The following SMCHD1 variants were observed in gnomAD, a reference collection of about 807,000 sequenced individuals.
SMCHD1 encodes structural maintenance of chromosomes flexible hinge domain-containing protein 1.
SMCHD1 carries 78 observed loss-of-function variants against 254.7 expected under a neutral mutation model. The ratio of observed to expected loss-of-function variants is 0.31; its 90% CI spans 0.26 to 0.37. The LOEUF (loss-of-function observed/expected upper bound fraction) is 0.37, where lower values mean the gene tolerates loss of function less well. Ranked by LOEUF, SMCHD1 falls within the 10% of genes least tolerant of loss-of-function variation. SMCHD1 has a pLI of 1.00. For synonymous variants in SMCHD1, 766 were observed against 794.9 expected (o/e 0.96, Z 0.61); for missense variants, 1,840 against 2,408.1 (o/e 0.76, Z 4.94).
intron 26 of SMCHD1, 53 bp downstream of exon 26, chr18:2,738,598 A>G: frequency 1.3e-5 from 19 of 1,432,812 alleles, no homozygotes; most frequent in South Asian, 5.6e-5. Flanking sequence ...ACTGTCCTCC[A>G]TTGCACATAT....
chr18:2,729,062 T>C (rs2143459014), intron 23 of SMCHD1, among the ~76,000 whole-genome samples: 1 of 152,014 alleles, frequency 6.6e-6, no homozygotes, highest in Non-Finnish European at 1.5e-5. Context: ...AGGAAGTTAG[T>C]TCTTTCCTTC....
intron 1 of SMCHD1, among the ~76,000 whole-genome samples, chr18:2,659,571 T>C (rs2073181177): frequency 6.6e-6 from 1 of 152,188 alleles, no homozygotes; most frequent in African/African-American, 2.4e-5. Flanking sequence ...AGAAGATGAC[T>C]CATTTGGTTA....
intron 19 of SMCHD1, among the ~76,000 whole-genome samples, chr18:2,721,958 A>G (rs2074935965): frequency 6.6e-6 from 1 of 152,204 alleles, no homozygotes; most frequent in South Asian, 2.1e-4. Context: ...TGCATTTCTA[A>G]TAAGTTCTCA....
At chr18:2,686,161 ATC>A (rs2074047569) in intron 5 of SMCHD1, among the ~76,000 whole-genome samples, 3 of 152,164 alleles carry the variant, frequency 2.0e-5, no homozygotes, top group Admixed American at 1.3e-4. Context: ...TTTGCTGAGC[ATC>A]TGTTTGAGCT....
chr18:2,677,131 T>C (rs1016500890), intron 5 of SMCHD1, among the ~76,000 whole-genome samples: 1 of 140,806 alleles, frequency 7.1e-6, no homozygotes, highest in African/African-American at 2.5e-5. Context: ...TTTTTTCCTT[T>C]AGTATTTTAT....
intron 44 of SMCHD1, among the ~76,000 whole-genome samples, chr18:2,780,614 T>TAA (rs1358032075): frequency 6.6e-6 from 1 of 152,238 alleles, no homozygotes; most frequent in African/African-American, 2.4e-5. Context: ...TTTGGATACT[T>TAA]ACTATGTATG....
At chr18:2,661,219 C>T (rs1373938664) in intron 1 of SMCHD1, among the ~76,000 whole-genome samples, 1 of 151,922 alleles carries the variant, frequency 6.6e-6, no homozygotes. Flanking sequence ...AGGACAAATA[C>T]CTAATGCATG....
intron 14 of SMCHD1, 66 bp from the exon 15 acceptor site, chr18:2,706,298 G>A (rs976004563): frequency 6.3e-6 from 7 of 1,115,858 alleles, no homozygotes; most frequent in African/African-American, 1.6e-5. Flanking sequence ...ACAAATGGGT[G>A]TTTGTTTTTA....
intron 36 of SMCHD1, 81 bp from the exon 37 acceptor site, chr18:2,763,556 T>G (rs2075821003): frequency 8.8e-7 from 1 of 1,136,892 alleles, no homozygotes; most frequent in African/African-American, 1.6e-5. Flanking sequence ...CTCTCTGTAT[T>G]ATTTCTGATT....
intron 27 of SMCHD1, 64 bp from the exon 28 acceptor site, chr18:2,740,639 T>C: frequency 2.4e-6 from 2 of 822,406 alleles, no homozygotes; most frequent in East Asian, 2.8e-5. Flanking sequence ...TTTTATAGTG[T>C]ATTGTAGATA....
intron 41 of SMCHD1, among the ~76,000 whole-genome samples, chr18:2,774,164 C>A (rs949590257): frequency 6.6e-6 from 1 of 152,016 alleles, no homozygotes; most frequent in South Asian, 2.1e-4. Context: ...TTATACTTAA[C>A]ATGCCCTTCT....
At chr18:2,695,686 C>T (rs491346) in intron 8 of SMCHD1, among the ~76,000 whole-genome samples, 63,539 of 151,884 alleles carry the variant, frequency 0.42, 14,649 homozygotes, top group East Asian at 0.6. Flanking sequence ...GTATGAATTA[C>T]TGAGACTTGC....
intron 17 of SMCHD1, among the ~76,000 whole-genome samples, chr18:2,708,445 T>G (rs1037702920): frequency 6.6e-6 from 1 of 152,028 alleles, no homozygotes; most frequent in African/African-American, 2.4e-5. Flanking sequence ...GCAGGAAAAT[T>G]GCTTGAGCCC....
At chr18:2,701,891 G>A (rs1437684725) in intron 12 of SMCHD1, among the ~76,000 whole-genome samples, 1 of 150,880 alleles carries the variant, frequency 6.6e-6, no homozygotes, top group Non-Finnish European at 1.5e-5. Flanking sequence ...AGTATTTGTA[G>A]TCAGTCAGTC....
intron 1 of SMCHD1, among the ~76,000 whole-genome samples, chr18:2,662,667 CAA>C (rs745838636): frequency 0.011 from 407 of 35,682 alleles, 6 homozygotes; most frequent in African/African-American, 0.045. Context: ...AACAAAAAAC[CAA>C]AAAAAAAAAA....
intron 47 of SMCHD1, among the ~76,000 whole-genome samples, chr18:2,797,351 T>C (rs565069104): frequency 4.6e-5 from 7 of 152,334 alleles, no homozygotes; most frequent in African/African-American, 1.7e-4. Flanking sequence ...AAGGATATCA[T>C]GGTACTGGTG....
At position 2,770,086 on chromosome 18, in the gene SMCHD1, A is replaced by G. The variant is rs2075950370; in HGVS notation, c.4944A>G (p.Gln1648=). ...VMYKSLFEAS[Q]QLLNEMKCQV... Reference sequence around the variant, plus strand: ...ATAAAAGTTTATTTGAAGCCAGCCAACAGCTTCTTAATGAAATGAAATGTA... The same window carrying G: ...ATAAAAGTTTATTTGAAGCCAGCCAGCAGCTTCTTAATGAAATGAAATGTA... The change falls in exon 39 of 48, where the codon CAA becomes CAG. Residue 1648 remains glutamine (Q), a synonymous_variant. Coordinates refer to ENST00000320876, the MANE Select transcript of SMCHD1 (RefSeq NM_015295.3). The G allele has an allele frequency of 2.5e-6, 4 of 1,597,666 alleles. No homozygotes were observed. The highest frequency in any genetic ancestry group is 1.4e-5 in the African/African-American group (1 of 73,864).
intron 17 of SMCHD1, among the ~76,000 whole-genome samples, chr18:2,710,986 GT>G (rs948169744): frequency 6.6e-6 from 1 of 151,302 alleles, no homozygotes; most frequent in Non-Finnish European, 1.5e-5. Context: ...GTTTTTTGGG[GT>G]TTTTTTTGAG....
intron 5 of SMCHD1, among the ~76,000 whole-genome samples, chr18:2,677,036 A>G (rs80314312): frequency 0.01 from 1,541 of 152,228 alleles, 20 homozygotes; most frequent in African/African-American, 0.035. Context: ...GTTTTTCATA[A>G]TATTTCAATT....
Sources: gnomAD v4.1 joint callset for allele counts (sites outside exome capture counted in the v4.1 genomes callset) on GRCh38, gnomAD v4.1.1 for gene constraint, MANE v1.5 for transcripts, NCBI Gene and HGNC (gene_info 2026-07-23, HGNC 2026-07-21) for gene names.